The following MAGI1 variants were observed in gnomAD, a reference collection of about 807,000 sequenced individuals.
MAGI1 encodes the protein membrane-associated guanylate kinase, WW and PDZ domain-containing protein 1.
A neutral mutation model predicts 139.9 loss-of-function variants in MAGI1; 58 were observed. The ratio of observed to expected loss-of-function variants is 0.41; its 90% CI spans 0.34 to 0.52. MAGI1 has a LOEUF of 0.52. Ranked by LOEUF, MAGI1 falls within the 20% of genes least tolerant of loss-of-function variation. MAGI1 has a pLI of 0.12. For synonymous variants in MAGI1, 812 were observed against 737.9 expected, an observed-to-expected ratio of 1.10 and a Z score of -1.63; for missense variants, 1,874 against 1,901.6, an observed-to-expected ratio of 0.99 and a Z score of 0.27.
chr3:66,024,315 T>TAAAAAAAAAAAAAAAAAAA (rs34593257), intron 1 of MAGI1, among the ~76,000 whole-genome samples: 4 of 95,778 alleles, frequency 4.2e-5, no homozygotes, highest in Non-Finnish European at 8.1e-5. Flanking sequence ...CAAAGTTCAT[T>TAAAAAAAAAAAAAAAAAAA]AAAAAAAAAA....
At chr3:66,020,689 T>C (rs1374988323) in intron 1 of MAGI1, among the ~76,000 whole-genome samples, 2 of 152,214 alleles carry the variant, frequency 1.3e-5, no homozygotes, top group Non-Finnish European at 2.9e-5. Flanking sequence ...TGAGTTGCAT[T>C]TTTTAAATTA....
chr3:65,408,239 A>G (rs1945510386), intron 12 of MAGI1, among the ~76,000 whole-genome samples: 2 of 152,190 alleles, frequency 1.3e-5, no homozygotes, highest in African/African-American at 4.8e-5. Context: ...AGAGCAGCAT[A>G]TAAGTAGAGG....
At chr3:65,679,899 G>A (rs992652863) in intron 1 of MAGI1, among the ~76,000 whole-genome samples, 1 of 152,206 alleles carries the variant, frequency 6.6e-6, no homozygotes, top group Non-Finnish European at 1.5e-5. Flanking sequence ...TAGTTTCCAT[G>A]AAGCTGGCTT....
intron 1 of MAGI1, among the ~76,000 whole-genome samples, chr3:65,922,823 T>C (rs1382142350): frequency 6.6e-6 from 1 of 152,170 alleles, no homozygotes; most frequent in African/African-American, 2.4e-5. Flanking sequence ...TTCAGCAGGT[T>C]TCTGTCAAAT....
chr3:65,606,557 A>C (rs1328939535), intron 2 of MAGI1, among the ~76,000 whole-genome samples: 1 of 151,876 alleles, frequency 6.6e-6, no homozygotes, highest in Non-Finnish European at 1.5e-5. Context: ...TTGCTCTGTC[A>C]CCCAGACTGG....
At chr3:65,594,303 G>A (rs2082090810) in intron 2 of MAGI1, among the ~76,000 whole-genome samples, 1 of 152,236 alleles carries the variant, frequency 6.6e-6, no homozygotes, top group South Asian at 2.1e-4. Context: ...GCAAATCCCA[G>A]ATCCCACTAT....
chr3:65,862,220 C>A (rs1195791759), intron 1 of MAGI1, among the ~76,000 whole-genome samples: 1 of 152,134 alleles, frequency 6.6e-6, no homozygotes, highest in African/African-American at 2.4e-5. Flanking sequence ...GTCTGAAAAT[C>A]CTGGTTCTTC....
intron 1 of MAGI1, among the ~76,000 whole-genome samples, chr3:65,976,649 C>T (rs1268589650): frequency 2.6e-5 from 4 of 152,050 alleles, no homozygotes; most frequent in African/African-American, 9.7e-5. Context: ...AAAAAAAAGA[C>T]CTTTCTCACT....
At position 65,448,038 on chromosome 3, in the gene MAGI1, C is replaced by A. The variant is rs562464347; in HGVS notation, c.1062G>T (p.Glu354Asp). 22 of 1,614,110 alleles carry A rather than the reference C, an allele frequency of 1.4e-5. No individual in the cohort carries two copies. The East Asian group carries it at 4.5e-4, about 33-fold the overall frequency. The change falls in exon 7 of 23, where the codon GAG (glutamate) becomes GAT (aspartate). Residue 354 changes from glutamate (E) to aspartate (D), a missense_variant. By Grantham distance (45) the Glu-to-Asp change is conservative (BLOSUM62 2). Coordinates refer to ENST00000402939, the MANE Select transcript of MAGI1 (RefSeq NM_001033057.2). ...AGGGTTTACCTAGTTCACTGTCCAG[C>A]TCCTCGGTGTGTACCCCTTCTTCTC... is the stretch of plus-strand genomic sequence containing the variant. ...CEDDEGVHTEELDSELELPAG... is the reference protein window; with the variant it reads ...CEDDEGVHTEDLDSELELPAG...
rs760814867 is a variant in MAGI1 at position 65,391,365 on chromosome 3, G to A, written c.2200-7C>T. 6.2e-7 allele frequency: 1 copy of A among 1,612,014 alleles called. No individual in the cohort carries two copies. The highest frequency in any genetic ancestry group is 8.5e-7 in the Non-Finnish European group (1 of 1,178,124). On this transcript the variant is annotated splice_polypyrimidine_tract_variant and splice_region_variant and intron_variant, in intron 13 of 22. Coordinates refer to ENST00000402939, the MANE Select transcript of MAGI1 (RefSeq NM_001033057.2). ...CTTTCCTTTCCAGTGGTTGCTGAAA[G>A]TAAGCAAGTGAGAGGGGCAAGAAGA...
intron 1 of MAGI1, among the ~76,000 whole-genome samples, chr3:65,955,937 C>T (rs1309739127): frequency 1.3e-5 from 2 of 152,068 alleles, no homozygotes; most frequent in Non-Finnish European, 2.9e-5. Context: ...AAAACACAAG[C>T]TGAAGATGAT....
chr3:65,921,627 A>G (rs2062192482), intron 1 of MAGI1, among the ~76,000 whole-genome samples: 1 of 152,034 alleles, frequency 6.6e-6, no homozygotes, highest in African/African-American at 2.4e-5. Flanking sequence ...AATTTTCTTA[A>G]GATCTTTACC....
intron 1 of MAGI1, among the ~76,000 whole-genome samples, chr3:65,938,525 A>C (rs1395242980): frequency 6.6e-6 from 1 of 151,966 alleles, no homozygotes; most frequent in Admixed American, 6.6e-5. Flanking sequence ...TCTTATAAGG[A>C]CATTGTTAAA....
At chr3:65,766,627 C>T (rs375604642) in intron 1 of MAGI1, among the ~76,000 whole-genome samples, 4 of 152,054 alleles carry the variant, frequency 2.6e-5, no homozygotes, top group East Asian at 2.0e-4. Context: ...CGGTGGCTCA[C>T]GCCTGTAATC....
chr3:65,497,629 T>C lies in MAGI1; in HGVS notation c.431-3998A>G, dbSNP rs1457099698. Among the ~76,000 whole-genome samples the C allele has an allele frequency of 2.0e-5, 3 of 152,204 alleles. No individual in the cohort carries two copies. In the South Asian group the frequency reaches 6.2e-4, roughly 32 times the overall value. ...AAAACAAAAAATCTGTTGAGTTTCA[T>C]AGTCTTGCCAAACTAGACAATGTTG... is the stretch of plus-strand genomic sequence containing the variant. On this transcript the variant is annotated intron_variant, in intron 2 of 22. Coordinates refer to ENST00000402939, the MANE Select transcript of MAGI1 (RefSeq NM_001033057.2).
At chr3:65,739,299 C>T (rs4688596) in intron 1 of MAGI1, among the ~76,000 whole-genome samples, 149,422 of 152,324 alleles carry the variant, frequency 0.98, 73,360 homozygotes, top group East Asian at 1. Context: ...TCTCAGCCTT[C>T]ATTCACAGAA....
At chr3:65,930,774 A>G (rs1024060898) in intron 1 of MAGI1, among the ~76,000 whole-genome samples, 1 of 152,156 alleles carries the variant, frequency 6.6e-6, no homozygotes, top group African/African-American at 2.4e-5. Context: ...TGCTTATTAT[A>G]ATGCATTAGA....
At chr3:65,635,396 G>A (rs989419139) in intron 1 of MAGI1, among the ~76,000 whole-genome samples, 67 of 152,248 alleles carry the variant, frequency 4.4e-4, no homozygotes, top group African/African-American at 1.5e-3. Context: ...ACAGTCATAA[G>A]GACACTGTAA....
chr3:65,416,703 A>G (rs1171559167), intron 12 of MAGI1, among the ~76,000 whole-genome samples: 2 of 152,234 alleles, frequency 1.3e-5, no homozygotes, highest in African/African-American at 4.8e-5. Context: ...AGCCCAGGTA[A>G]CAACTTGGCA....
Sources: allele counts gnomAD v4.1 joint callset (sites outside exome capture counted in the v4.1 genomes callset), GRCh38; gene constraint gnomAD v4.1.1; transcripts MANE v1.5; gene names NCBI Gene and HGNC (gene_info 2026-07-23, HGNC 2026-07-21).